Variants in TTC34 observed in about 807,000 individuals in gnomAD.
TTC34 encodes the protein tetratricopeptide repeat protein 34.
In TTC34, 44 loss-of-function variants were observed where a neutral mutation model predicts 40.7. That is an observed-to-expected ratio of 1.08 (90% confidence interval 0.85 to 1.39). The LOEUF (loss-of-function observed/expected upper bound fraction) is 1.39, where lower values mean the gene tolerates loss of function less well. Among genes scored for constraint, TTC34 ranks in the 40% most tolerant of loss-of-function variants. The pLI is 0.00. For missense variants in TTC34, 884 were observed against 838.0 expected (o/e 1.05, Z -0.68); for synonymous variants, 422 against 398.6 (o/e 1.06, Z -0.70).
intron 6 of TTC34, among the ~76,000 whole-genome samples, chr1:2,781,111 A>C (rs1382838833): frequency 2.0e-5 from 3 of 152,124 alleles, no homozygotes; most frequent in African/African-American, 7.2e-5. Context: ...CCAGCCTTTC[A>C]TATTGGTGGG....
chr1:2,685,782 T>C (rs1640308584), intron 6 of TTC34, among the ~76,000 whole-genome samples: 2 of 146,730 alleles, frequency 1.4e-5, no homozygotes, highest in Non-Finnish European at 3.0e-5. Flanking sequence ...TCTGACAGCC[T>C]GGAACAGAAC....
At chr1:2,760,985 C>A (rs1277058639) in intron 6 of TTC34, among the ~76,000 whole-genome samples, 1 of 71,130 alleles carries the variant, frequency 1.4e-5, no homozygotes, top group Non-Finnish European at 2.4e-5. Flanking sequence ...CATCTGATAG[C>A]CTGGAGCAGC....
At chr1:2,675,168 G>A (rs1235340058) in intron 6 of TTC34, among the ~76,000 whole-genome samples, 22 of 58,946 alleles carry the variant, frequency 3.7e-4, no homozygotes, top group African/African-American at 1.0e-3. Context: ...CACCCCCAGG[G>A]GAGCATCTGA....
chr1:2,694,895 T>C (rs1640788236), intron 6 of TTC34, among the ~76,000 whole-genome samples: 1 of 128,622 alleles, frequency 7.8e-6, no homozygotes, highest in Non-Finnish European at 1.7e-5. Flanking sequence ...TCCGACAGCC[T>C]GGAACAGCAC....
Position 2,691,751 on chromosome 1 carries a change from C to A in TTC34, c.2227-46188G>T, listed in dbSNP as rs546648184. On this transcript the variant is annotated intron_variant, in intron 6 of 8. Coordinates refer to ENST00000401095, the Ensembl canonical transcript of TTC34. ...CTGGAGCAGCACCCACATTCCCAGG[C>A]AAGCATCTGAACGCAAATAGCAGCA... is the stretch of plus-strand genomic sequence containing the variant. 2.4e-3 allele frequency among the ~76,000 whole-genome samples: 214 copies of A among 87,550 alleles called. 31 individuals are homozygous for A. Among genetic ancestry groups the A allele is most frequent in the Middle Eastern group, 0.013 (2 of 152 alleles). The allele number at this position is 87,550 out of a possible 152,430, so 57.4% of individuals were successfully genotyped here. A position where few individuals can be genotyped will look rare whatever the true frequency, so the allele number is the denominator to read the frequency against.
At chr1:2,649,354 A>AC (rs1639080754) in intron 6 of TTC34, among the ~76,000 whole-genome samples, 1 of 151,456 alleles carries the variant, frequency 6.6e-6, no homozygotes, top group Non-Finnish European at 1.5e-5. Context: ...CTAGAACGGC[A>AC]CCCCCCAGTT....
At chr1:2,750,533 G>A (rs1569690036) in intron 6 of TTC34, among the ~76,000 whole-genome samples, 2 of 151,678 alleles carry the variant, frequency 1.3e-5, no homozygotes, top group African/African-American at 2.4e-5. Context: ...ATCCCCAAGC[G>A]AGCATCCGAC....
chr1:2,644,142 C>T, intron 8 of TTC34, 122 bp downstream of exon 8: 1 of 1,101,640 alleles, frequency 9.1e-7, no homozygotes, highest in Non-Finnish European at 1.3e-6. Flanking sequence ...CACCCCAAAC[C>T]TAACTGAAAT....
chr1:2,752,905 G>C (rs1178912493), intron 6 of TTC34, among the ~76,000 whole-genome samples: 119 of 149,598 alleles, frequency 8.0e-4, no homozygotes, highest in Admixed American at 3.0e-3. Context: ...CCCCAGGTGA[G>C]CATCCGACAT....
rs140020189 is a variant in TTC34, at chr1:2,782,790, G to A, written c.2226+819C>T. Among the ~76,000 whole-genome samples the A allele has an allele frequency of 9.4e-3, 1,438 of 152,274 alleles. 29 individuals are homozygous for A. Among genetic ancestry groups the A allele is most frequent in the African/African-American group, 0.033 (1,367 of 41,548 alleles). On this transcript the variant is annotated intron_variant, in intron 6 of 8. Transcript: ENST00000401095. ...TCCTTTTACAGAGGAGGAAACTGAG[G>A]CCTGGGGAGGTGAAGTGATTCGGCT...
chr1:2,792,006 CTTTTTTTTTT>C (rs376632144), intron 2 of TTC34, among the ~76,000 whole-genome samples: 1,111 of 39,564 alleles, frequency 0.028, 70 homozygotes, highest in African/African-American at 0.084. Context: ...TTGCCATATG[CTTTTTTTTTT>C]TTTTTTTTTT....
chr1:2,789,618 C>CCAG, exon 3 of TTC34: 2 of 1,380,008 alleles, frequency 1.4e-6, no homozygotes, highest in Non-Finnish European at 1.9e-6. Context: ...CGCAGCACCA[C>CCAG]CAGCAGCAGC....
intron 6 of TTC34, among the ~76,000 whole-genome samples, chr1:2,758,277 C>A (rs1641572495): frequency 1.0e-4 from 11 of 107,042 alleles, no homozygotes; most frequent in African/African-American, 2.7e-4. Flanking sequence ...ACACACACCC[C>A]CAGGCGAGCA....
At chr1:2,685,940 G>A (rs1417816925) in intron 6 of TTC34, among the ~76,000 whole-genome samples, 2 of 141,550 alleles carry the variant, frequency 1.4e-5, no homozygotes, top group Non-Finnish European at 3.1e-5. Flanking sequence ...GCATGTGACA[G>A]CCGGGAACAG....
intron 6 of TTC34, among the ~76,000 whole-genome samples, chr1:2,750,692 A>C (rs1269324291): frequency 5.4e-5 from 2 of 36,932 alleles, no homozygotes; most frequent in Non-Finnish European, 9.9e-5. Flanking sequence ...TGCACCCCCA[A>C]GTGAGCATCC....
intron 2 of TTC34, among the ~76,000 whole-genome samples, chr1:2,798,687 TC>T (rs1643737771): frequency 1.3e-4 from 1 of 7,504 alleles, no homozygotes; most frequent in Non-Finnish European, 2.7e-4. Context: ...GCCCCTCAGC[TC>T]CCCAGCCCCC....
chr1:2,778,700 G>A (rs1170270559), intron 6 of TTC34, among the ~76,000 whole-genome samples: 1 of 152,208 alleles, frequency 6.6e-6, no homozygotes, highest in Non-Finnish European at 1.5e-5. Context: ...CCCAGGAGGG[G>A]CAGCACCCAC....
intron 2 of TTC34, among the ~76,000 whole-genome samples, chr1:2,799,187 C>A (rs941687042): frequency 6.6e-6 from 1 of 152,198 alleles, no homozygotes; most frequent in African/African-American, 2.4e-5. Context: ...CCCAGCAGGT[C>A]TTGTCCTTAC....
intron 8 of TTC34, among the ~76,000 whole-genome samples, chr1:2,642,888 G>A (rs1299280071): frequency 6.6e-6 from 1 of 152,332 alleles, no homozygotes; most frequent in East Asian, 1.9e-4. Context: ...GGCACAGTGT[G>A]GCCTCTTCTG....
Sources: gnomAD v4.1 joint callset for allele counts (sites outside exome capture counted in the v4.1 genomes callset) on GRCh38, gnomAD v4.1.1 for gene constraint, MANE v1.5 for transcripts, NCBI Gene and HGNC (gene_info 2026-07-23, HGNC 2026-07-21) for gene names.